Variants in XRCC4 observed in about 807,000 individuals in gnomAD.
XRCC4 encodes X-ray repair cross complementing 4.
A neutral mutation model predicts 39.1 loss-of-function variants in XRCC4; 28 were observed. That is an observed-to-expected ratio of 0.72 (90% confidence interval 0.53 to 0.98). The LOEUF is 0.98. Ranked by LOEUF, XRCC4 falls within the 50% of genes least tolerant of loss-of-function variation. The pLI is 0.00. For synonymous variants in XRCC4, 123 were observed against 126.4 expected, an observed-to-expected ratio of 0.97 and a Z score of 0.18; for missense variants, 350 against 376.4, an observed-to-expected ratio of 0.93 and a Z score of 0.58.
intron 1 of XRCC4, among the ~76,000 whole-genome samples, chr5:83,102,179 A>G (rs571484654): frequency 6.6e-6 from 1 of 152,136 alleles, no homozygotes; most frequent in Non-Finnish European, 1.5e-5. Context: ...TAATACAACT[A>G]GACTACCAGT....
chr5:83,141,525 G>C (rs986829607), intron 3 of XRCC4, among the ~76,000 whole-genome samples: 1 of 152,046 alleles, frequency 6.6e-6, no homozygotes, highest in African/African-American at 2.4e-5. Flanking sequence ...TTATATCTCA[G>C]TGTTGTTTTA....
intron 3 of XRCC4, among the ~76,000 whole-genome samples, chr5:83,191,277 A>G (rs1193455310): frequency 6.6e-6 from 1 of 152,218 alleles, no homozygotes; most frequent in African/African-American, 2.4e-5. Context: ...TCCATATCTC[A>G]TCTTGAATGG....
intron 6 of XRCC4, among the ~76,000 whole-genome samples, chr5:83,247,679 G>A (rs1301133805): frequency 6.6e-6 from 1 of 152,092 alleles, no homozygotes; most frequent in Non-Finnish European, 1.5e-5. Flanking sequence ...AACCTTGAGT[G>A]ATTTTCTCTC....
rs11953677 is a variant in XRCC4 at position 83,259,960 on chromosome 5, G to A, written c.893+1283G>A. 3.6e-3 allele frequency among the ~76,000 whole-genome samples: 543 copies of A among 152,100 alleles called. 4 individuals are homozygous for A. The highest frequency in any genetic ancestry group is 0.012 in the African/African-American group (509 of 41,534). ...GTGGGAACATGTTTTAGTTTCTAGCGTATAAACATTGTATAGTGGGATTAT... is the reference window on the plus strand; with the variant it reads ...GTGGGAACATGTTTTAGTTTCTAGCATATAAACATTGTATAGTGGGATTAT... On this transcript the variant is annotated intron_variant, in intron 7 of 7. Transcript: ENST00000396027.
At chr5:83,284,064 A>C (rs1451458280) in intron 7 of XRCC4, among the ~76,000 whole-genome samples, 75 of 150,000 alleles carry the variant, frequency 5.0e-4, no homozygotes, top group Non-Finnish European at 8.9e-4. Flanking sequence ...AAAAAAAAAA[A>C]AAAAAAAAAA....
At chr5:83,364,838 C>T in the XRCC4 span, among the ~76,000 whole-genome samples, 1 of 152,192 alleles carries the variant, frequency 6.6e-6, no homozygotes, top group Admixed American at 6.5e-5. Context: ...TTCATGTGCA[C>T]CTTTGGTGCC....
chr5:83,294,448 C>A (rs552459388), intron 7 of XRCC4, among the ~76,000 whole-genome samples: 1 of 152,010 alleles, frequency 6.6e-6, no homozygotes, highest in African/African-American at 2.4e-5. Context: ...TCTGAAAAGT[C>A]ATGTGCTCCA....
chr5:83,147,151 T>C, intron 3 of XRCC4, among the ~76,000 whole-genome samples: 1 of 152,124 alleles, frequency 6.6e-6, no homozygotes, highest in Admixed American at 6.5e-5. Flanking sequence ...CCATGGGGTG[T>C]GGTGATGGAC....
At position 83,334,633 on chromosome 5, in the gene XRCC4, A is replaced by T. The variant is rs188571381; in HGVS notation, c.894-18498A>T. The stretch of plus-strand genomic sequence containing the variant: ...ACTCTTTTATAATACAACTACTTTT[A>T]AAAATATTATGTACATACGTACATT... On this transcript the variant is annotated intron_variant, in intron 7 of 7. Transcript: ENST00000396027. 6.6e-5 allele frequency among the ~76,000 whole-genome samples: 10 copies of T among 151,916 alleles called. No individual in the cohort carries two copies. In the East Asian group the frequency reaches 1.9e-3, roughly 30 times the overall value.
intron 7 of XRCC4, among the ~76,000 whole-genome samples, chr5:83,312,979 G>A (rs1278246784): frequency 6.6e-6 from 1 of 152,022 alleles, no homozygotes; most frequent in Non-Finnish European, 1.5e-5. Flanking sequence ...CGGATGCTGA[G>A]TTGGCACTCA....
chr5:83,300,822 A>T (rs1469074811), intron 7 of XRCC4, among the ~76,000 whole-genome samples: 1 of 151,844 alleles, frequency 6.6e-6, no homozygotes, highest in Non-Finnish European at 1.5e-5. Context: ...GAGTGAGAAC[A>T]TGCAGTGTTT....
chr5:83,195,969 A>G (rs773959006), intron 4 of XRCC4, 33 bp downstream of exon 4: 1 of 1,536,586 alleles, frequency 6.5e-7, no homozygotes, highest in South Asian at 1.3e-5. Context: ...GTATAAAAAT[A>G]CGGAGCCCTC....
intron 3 of XRCC4, among the ~76,000 whole-genome samples, chr5:83,152,650 A>T (rs894484302): frequency 7.9e-5 from 12 of 151,150 alleles, no homozygotes; most frequent in Admixed American, 5.9e-4. Context: ...AAAAAAAAAA[A>T]AAAGAAATAG....
chr5:83,333,850 A>G (rs1756512678), intron 7 of XRCC4, among the ~76,000 whole-genome samples: 1 of 151,468 alleles, frequency 6.6e-6, no homozygotes, highest in African/African-American at 2.4e-5. Context: ...GCTCACTGCA[A>G]CCTCCACCTC....
intron 7 of XRCC4, among the ~76,000 whole-genome samples, chr5:83,328,748 T>C (rs1189080973): frequency 6.6e-6 from 1 of 152,024 alleles, no homozygotes; most frequent in Non-Finnish European, 1.5e-5. Context: ...TCATGACTTA[T>C]TATATAGGAA....
intron 7 of XRCC4, among the ~76,000 whole-genome samples, chr5:83,308,390 CA>C (rs1161411271): frequency 1.3e-5 from 2 of 151,342 alleles, no homozygotes; most frequent in Admixed American, 1.3e-4. Flanking sequence ...GTTGTGTATG[CA>C]GGAATAAGTT....
chr5:83,124,380 G>C (rs1747158705), intron 3 of XRCC4, among the ~76,000 whole-genome samples: 1 of 152,044 alleles, frequency 6.6e-6, no homozygotes, highest in South Asian at 2.1e-4. Flanking sequence ...ATATCCTTTT[G>C]AGATTGGCTG....
At chr5:83,123,483 A>C (rs911193321) in intron 3 of XRCC4, among the ~76,000 whole-genome samples, 1 of 151,740 alleles carries the variant, frequency 6.6e-6, no homozygotes, top group African/African-American at 2.4e-5. Context: ...AATCCAGTCT[A>C]TCAATCTGTG....
intron 7 of XRCC4, among the ~76,000 whole-genome samples, chr5:83,350,119 T>C (rs553829025): frequency 6.6e-6 from 1 of 152,304 alleles, no homozygotes; most frequent in African/African-American, 2.4e-5. Context: ...CTGTGTAGTA[T>C]TCCATAGTGT....
Sources: gnomAD v4.1 joint callset for allele counts (sites outside exome capture counted in the v4.1 genomes callset) on GRCh38, gnomAD v4.1.1 for gene constraint, MANE v1.5 for transcripts, NCBI Gene and HGNC (gene_info 2026-07-23, HGNC 2026-07-21) for gene names.